The following TNRC18 variants were observed in gnomAD, a reference collection of about 807,000 sequenced individuals.
The protein encoded by TNRC18 is trinucleotide repeat-containing gene 18 protein.
A neutral mutation model predicts 226.7 loss-of-function variants in TNRC18; 69 were observed. That is an observed-to-expected ratio of 0.30 (90% confidence interval 0.25 to 0.37). The LOEUF is 0.37. Ranked by LOEUF, TNRC18 falls within the 10% of genes least tolerant of loss-of-function variation. The pLI, the probability that TNRC18 is intolerant of heterozygous loss-of-function variation, is 1.00. For missense variants in TNRC18, 4,754 were observed against 4,256.6 expected, an observed-to-expected ratio of 1.12 and a Z score of -3.25; for synonymous variants, 2,449 against 1,927.6, an observed-to-expected ratio of 1.27 and a Z score of -7.09.
chr7:5,349,210 GA>G (rs1034746146), intron 17 of TNRC18, among the ~76,000 whole-genome samples: 12 of 152,278 alleles, frequency 7.9e-5, no homozygotes, highest in Admixed American at 6.5e-4. Flanking sequence ...CTGCGTGCTT[GA>G]CAAGGCCACA....
chr7:5,371,244 G>A lies in TNRC18; in HGVS notation c.3350C>T (p.Pro1117Leu), dbSNP rs369646006. ...TGCCAGGCGCTCGGGCCCATCAGCC[G>A]GGAGCGGCACATCAGGGGCCAAGCC... Reference protein sequence around the residue: ...ADGLAPDVPLPADGPERLALS... With the variant: ...ADGLAPDVPLLADGPERLALS... The change falls in exon 11 of 30, where the codon CCG becomes CTG. Residue 1117 changes from proline (P) to leucine (L), a missense_variant. Physicochemically the swap from Pro to Leu is moderately conservative, Grantham distance 98. Transcript: ENST00000430969. 1.3e-5 allele frequency: 21 copies of A among 1,603,624 alleles called. No homozygotes were observed. The highest frequency in any genetic ancestry group is 4.0e-5 in the African/African-American group (3 of 74,746).
chr7:5,365,259 A>G (rs1793499044), intron 11 of TNRC18, among the ~76,000 whole-genome samples: 1 of 152,114 alleles, frequency 6.6e-6, no homozygotes, highest in Non-Finnish European at 1.5e-5. Flanking sequence ...CCACAGGCAC[A>G]TGCCGTCACA....
chr7:5,392,869 G>A (rs891643840), intron 3 of TNRC18, among the ~76,000 whole-genome samples: 5 of 151,978 alleles, frequency 3.3e-5, no homozygotes, highest in African/African-American at 7.3e-5. Flanking sequence ...GTAGTTAACC[G>A]GGCGTGATGG....
chr7:5,418,664 G>A (rs542416709), intron 2 of TNRC18, among the ~76,000 whole-genome samples: 1 of 152,198 alleles, frequency 6.6e-6, no homozygotes, highest in Non-Finnish European at 1.5e-5. Flanking sequence ...AACAAATAAA[G>A]ATGGGACTGA....
chr7:5,351,769 ACT>A (rs1160016691), intron 17 of TNRC18, 48 bp downstream of exon 17: 6 of 1,510,598 alleles, frequency 4.0e-6, no homozygotes, highest in Non-Finnish European at 5.3e-6. Context: ...ACTCGCACGC[ACT>A]CTCTCGCTAG....
chr7:5,310,284 C>T (rs1429617892), intron 27 of TNRC18, among the ~76,000 whole-genome samples: 1 of 152,148 alleles, frequency 6.6e-6, no homozygotes, highest in African/African-American at 2.4e-5. Flanking sequence ...GGCTGGAGTG[C>T]AGTGGCACGA....
intron 2 of TNRC18, among the ~76,000 whole-genome samples, chr7:5,409,024 C>G (rs1010047695): frequency 6.6e-6 from 1 of 152,152 alleles, no homozygotes; most frequent in African/African-American, 2.4e-5. Context: ...TCAACGTCAA[C>G]AGACAAGAAA....
chr7:5,422,365 A>G (rs1782636558), intron 1 of TNRC18, among the ~76,000 whole-genome samples: 2 of 138,194 alleles, frequency 1.4e-5, no homozygotes, highest in Admixed American at 7.5e-5. Flanking sequence ...TAACCTACAA[A>G]GAAAGCCTTT....
At chr7:5,352,778 G>A (rs1791960150) in intron 16 of TNRC18, among the ~76,000 whole-genome samples, 3 of 152,226 alleles carry the variant, frequency 2.0e-5, no homozygotes, top group African/African-American at 7.2e-5. Flanking sequence ...TTTGGGAGGG[G>A]AGCCTGCCAG....
Position 5,383,070 on chromosome 7 carries a change from TA to T in TNRC18, c.2152+4601del, listed in dbSNP as rs1404717794. On this transcript the variant is annotated intron_variant, in intron 5 of 29. Coordinates refer to ENST00000430969, the MANE Select transcript of TNRC18 (RefSeq NM_001080495.3). ...CCACTATGCTCGGATGATTTATTTT[TA>T]TTTTTATTTTTGTAGAGTCGGGGTT... Among the ~76,000 whole-genome samples, 437 of 142,948 alleles carry T rather than the reference TA, an allele frequency of 3.1e-3. 5 individuals carry two copies. Among genetic ancestry groups the T allele is most frequent in the African/African-American group, 0.012 (403 of 33,708 alleles). The allele number at this position is 142,948 out of a possible 152,430, so 93.8% of individuals were successfully genotyped here. A position where few individuals can be genotyped will look rare whatever the true frequency, so the allele number is the denominator to read the frequency against.
At chr7:5,372,389 T>C (rs1236334518) in intron 10 of TNRC18, among the ~76,000 whole-genome samples, 9 of 151,706 alleles carry the variant, frequency 5.9e-5, no homozygotes, top group Admixed American at 5.9e-4. Context: ...GCCCGGCTAA[T>C]TTTTTATATT....
At chr7:5,317,875 AT>A (rs55888158) in intron 24 of TNRC18, among the ~76,000 whole-genome samples, 45 of 146,102 alleles carry the variant, frequency 3.1e-4, no homozygotes, top group Admixed American at 4.1e-4. Flanking sequence ...CTGGATAATA[AT>A]TTTTTTTTTT....
chr7:5,308,843 A>AC, intron 29 of TNRC18, 32 bp downstream of exon 29: 3 of 835,952 alleles, frequency 3.6e-6, no homozygotes, highest in Non-Finnish European at 5.8e-6. Context: ...GCCATCCCCA[A>AC]CCCGCCCACC....
At chr7:5,314,563 CTTTTTTTTTTTT>C (rs67183154) in intron 26 of TNRC18, among the ~76,000 whole-genome samples, 2 of 79,642 alleles carry the variant, frequency 2.5e-5, no homozygotes, top group Non-Finnish European at 4.7e-5. Flanking sequence ...GAGTTCTCTT[CTTTTTTTTTTTT>C]TTTTTTTTTT....
At chr7:5,420,765 G>C in intron 2 of TNRC18, 2 of 638,944 alleles carry the variant, frequency 3.1e-6, no homozygotes, top group Non-Finnish European at 5.8e-6. Flanking sequence ...GCCCAGGCTC[G>C]TGCCGCCGGG....
chr7:5,422,503 G>A (rs1782642667), intron 1 of TNRC18, among the ~76,000 whole-genome samples: 3 of 152,140 alleles, frequency 2.0e-5, no homozygotes, highest in Non-Finnish European at 4.4e-5. Context: ...GGGGGTCTTG[G>A]AGCCCACCCT....
chr7:5,314,699 C>T (rs78091838), intron 26 of TNRC18, among the ~76,000 whole-genome samples: 13,866 of 151,514 alleles, frequency 0.092, 811 homozygotes, highest in Admixed American at 0.16. Context: ...CAGCCTCCCA[C>T]GTAGTTGGGA....
At chr7:5,351,149 G>GCGGCAGGCGGCA (rs1791762191) in intron 17 of TNRC18, among the ~76,000 whole-genome samples, 2 of 151,992 alleles carry the variant, frequency 1.3e-5, no homozygotes, top group Non-Finnish European at 2.9e-5. Flanking sequence ...ACACAGGCAA[G>GCGGCAGGCGGCA]CGGCAGGCGG....
In TNRC18 at chr7:5,356,859, G is replaced by GAGGGGAGAAA. The variant is rs1583894095; in HGVS notation, c.5194+47_5194+56dup. The GAGGGGAGAAA allele has an allele frequency of 2.7e-6, 4 of 1,474,944 alleles. No homozygotes were observed. The East Asian group carries it at 7.4e-5, about 27-fold the overall frequency. The allele number at this position is 1,474,944 out of a possible 1,614,324, so 91.4% of individuals were successfully genotyped here. ...GGGGGAAGGAGGACGGTGGAGAGAA[G>GAGGGGAGAAA]AGGGGAGAAAAGGAGAGAAGCAGCG... is the stretch of plus-strand genomic sequence containing the variant. On this transcript the variant is annotated intron_variant, in intron 16 of 29. Coordinates refer to ENST00000430969, the MANE Select transcript of TNRC18 (RefSeq NM_001080495.3).
Sources: allele counts gnomAD v4.1 joint callset (sites outside exome capture counted in the v4.1 genomes callset), GRCh38; gene constraint gnomAD v4.1.1; transcripts MANE v1.5; gene names NCBI Gene and HGNC (gene_info 2026-07-23, HGNC 2026-07-21).